Variants in CSMD1 observed in about 807,000 individuals in gnomAD.
CSMD1 encodes the protein CUB and Sushi multiple domains 1.
CSMD1 carries 213 observed loss-of-function variants against 417.5 expected under a neutral mutation model. That is an observed-to-expected ratio of 0.51 (90% CI 0.46 to 0.57). The LOEUF is 0.57. Among genes scored for constraint, CSMD1 ranks in the 20% least tolerant of loss-of-function variants. The pLI is 0.00. For synonymous variants in CSMD1, 2,862 were observed against 1,736.8 expected (o/e 1.65, Z -16.11); for missense variants, 6,923 against 4,529.7 (o/e 1.53, Z -15.17).
chr8:4,241,649 T>A (rs768898053), intron 3 of CSMD1, among the ~76,000 whole-genome samples: 4 of 152,276 alleles, frequency 2.6e-5, no homozygotes, highest in Non-Finnish European at 5.9e-5. Context: ...ATCAAAATCA[T>A]TACAAATGGT....
intron 10 of CSMD1, among the ~76,000 whole-genome samples, chr8:3,542,432 G>A (rs561343519): frequency 2.6e-5 from 4 of 152,292 alleles, no homozygotes; most frequent in East Asian, 3.9e-4. Context: ...ACGATTGGAT[G>A]TGCGTTAGGG....
At chr8:4,239,278 G>C (rs138796375) in intron 3 of CSMD1, among the ~76,000 whole-genome samples, 1 of 152,296 alleles carries the variant, frequency 6.6e-6, no homozygotes, top group East Asian at 1.9e-4. Flanking sequence ...GTACTCTGTT[G>C]CATCAACTTC....
intron 2 of CSMD1, among the ~76,000 whole-genome samples, chr8:4,524,501 G>A (rs1038553312): frequency 2.0e-5 from 3 of 151,390 alleles, no homozygotes; most frequent in African/African-American, 7.3e-5. Flanking sequence ...CACGGGATAT[G>A]TGATGGGAAA....
chr8:3,426,533 T>C (rs1479759091), intron 12 of CSMD1, among the ~76,000 whole-genome samples: 1 of 152,210 alleles, frequency 6.6e-6, no homozygotes, highest in South Asian at 2.1e-4. Flanking sequence ...AATGTCATCT[T>C]AAGTGACTTC....
intron 26 of CSMD1, among the ~76,000 whole-genome samples, chr8:3,250,950 A>G (rs1800210709): frequency 6.6e-6 from 1 of 152,062 alleles, no homozygotes; most frequent in Admixed American, 6.5e-5. Flanking sequence ...TTCATTGTAG[A>G]TTCTGGATAT....
chr8:3,707,515 G>A (rs562856849), intron 7 of CSMD1, among the ~76,000 whole-genome samples: 10 of 152,276 alleles, frequency 6.6e-5, no homozygotes, highest in African/African-American at 2.2e-4. Context: ...GCAGAAAACG[G>A]CCCCTACAGG....
intron 1 of CSMD1, among the ~76,000 whole-genome samples, chr8:4,955,727 A>T (rs538920071): frequency 3.4e-5 from 5 of 145,784 alleles, no homozygotes; most frequent in Admixed American, 1.4e-4. Flanking sequence ...AAGTGCTGGG[A>T]TTACAGGCGT....
intron 2 of CSMD1, among the ~76,000 whole-genome samples, chr8:4,437,477 G>A (rs947104832): frequency 2.6e-5 from 4 of 152,042 alleles, no homozygotes; most frequent in Non-Finnish European, 5.9e-5. Flanking sequence ...TACATGAAAA[G>A]TTTCCTCTCA....
At chr8:4,065,084 A>T (rs1043414426) in intron 3 of CSMD1, among the ~76,000 whole-genome samples, 1 of 152,254 alleles carries the variant, frequency 6.6e-6, no homozygotes, top group Non-Finnish European at 1.5e-5. Context: ...CCGAATATAA[A>T]AATTGTGAAG....
rs564334298 is a variant in CSMD1, at chr8:4,209,933, T to G, written c.416-177834A>C. On this transcript the variant is annotated intron_variant, in intron 3 of 69. Transcript: ENST00000635120. ...ATGGAAAGCGGTGACCACGTCTGGG[T>G]GTTGCTATGACAATGGTAAACTGGC... Among the ~76,000 whole-genome samples the G allele has an allele frequency of 1.1e-4, 16 of 152,294 alleles. No homozygotes were observed. The East Asian group carries it at 3.1e-3, about 29-fold the overall frequency.
intron 4 of CSMD1, among the ~76,000 whole-genome samples, chr8:4,010,875 T>C (rs1816487448): frequency 6.6e-6 from 1 of 152,172 alleles, no homozygotes; most frequent in Admixed American, 6.5e-5. Flanking sequence ...CTGGAGGAAT[T>C]CCAAAACCAA....
chr8:3,791,821 T>A (rs1799758488), intron 5 of CSMD1, among the ~76,000 whole-genome samples: 1 of 141,376 alleles, frequency 7.1e-6, no homozygotes, highest in Admixed American at 7.1e-5. Flanking sequence ...AGACTCAGTA[T>A]CAAATAATAA....
intron 24 of CSMD1, 92 bp downstream of exon 24, chr8:3,308,220 T>C: frequency 2.1e-6 from 2 of 967,436 alleles, no homozygotes; most frequent in Non-Finnish European, 3.1e-6. Flanking sequence ...ATAAAATTCC[T>C]CCTCTTTTCC....
chr8:3,772,232 T>C (rs184821050), intron 5 of CSMD1, among the ~76,000 whole-genome samples: 51 of 144,890 alleles, frequency 3.5e-4, no homozygotes, highest in African/African-American at 1.2e-3. Flanking sequence ...TACACACACA[T>C]ATTTATATAT....
chr8:2,990,598 A>C (rs1227763792), intron 54 of CSMD1, among the ~76,000 whole-genome samples: 1 of 152,202 alleles, frequency 6.6e-6, no homozygotes, highest in Non-Finnish European at 1.5e-5. Context: ...CGAAAGCAGG[A>C]GGTTTTGAGC....
rs571296458 is a variant in CSMD1, at chr8:4,412,454, A to G, written c.415+7499T>C. The stretch of plus-strand genomic sequence containing the variant: ...TGGAAGCTTCCCGAGGCCTCAACAG[A>G]AGCCGGGCAGATGCCAGTACCACGG... On this transcript the variant is annotated intron_variant, in intron 3 of 69. Coordinates refer to ENST00000635120, the MANE Select transcript of CSMD1 (RefSeq NM_033225.6). Among the ~76,000 whole-genome samples the G allele has an allele frequency of 6.9e-4, 105 of 152,288 alleles. 1 individual carries two copies. Among genetic ancestry groups the G allele is most frequent in the Middle Eastern group, 6.8e-3 (2 of 294 alleles).
chr8:4,482,268 C>G (rs1428360444), intron 2 of CSMD1, among the ~76,000 whole-genome samples: 1 of 152,114 alleles, frequency 6.6e-6, no homozygotes, highest in Non-Finnish European at 1.5e-5. Flanking sequence ...CTTATAGCCC[C>G]CAGTGTGTGT....
intron 3 of CSMD1, among the ~76,000 whole-genome samples, chr8:4,218,582 G>T (rs1327493641): frequency 6.6e-6 from 1 of 152,118 alleles, no homozygotes; most frequent in Non-Finnish European, 1.5e-5. Context: ...CTGTAATAAT[G>T]ATTAATTTTA....
intron 3 of CSMD1, among the ~76,000 whole-genome samples, chr8:4,036,749 C>G (rs1797638094): frequency 6.6e-6 from 1 of 152,196 alleles, no homozygotes; most frequent in Non-Finnish European, 1.5e-5. Flanking sequence ...TTATTTTACA[C>G]CAGGTCCTCA....
Sources: allele counts gnomAD v4.1 joint callset (sites outside exome capture counted in the v4.1 genomes callset), GRCh38; gene constraint gnomAD v4.1.1; transcripts MANE v1.5; gene names NCBI Gene and HGNC (gene_info 2026-07-23, HGNC 2026-07-21).